Variants in PCDHGA2 observed in about 807,000 individuals in gnomAD.
The protein encoded by PCDHGA2 is protocadherin gamma-A2.
PCDHGA2 carries 40 observed loss-of-function variants against 59.2 expected under a neutral mutation model. That is an observed-to-expected ratio of 0.68 (90% CI 0.52 to 0.88). PCDHGA2 has a LOEUF of 0.88. Ranked by LOEUF, PCDHGA2 falls within the 40% of genes least tolerant of loss-of-function variation. The pLI is 0.00. For synonymous variants in PCDHGA2, 560 were observed against 526.0 expected, an observed-to-expected ratio of 1.06 and a Z score of -0.89; for missense variants, 1,226 against 1,204.0, an observed-to-expected ratio of 1.02 and a Z score of -0.27.
At chr5:141,478,452 C>T (rs763187393) in intron 1 of PCDHGA2, 1 of 1,613,598 alleles carries the variant, frequency 6.2e-7, no homozygotes, top group Admixed American at 1.7e-5. Context: ...CCTGGTGCAG[C>T]CAGTCCACTG....
intron 1 of PCDHGA2, among the ~76,000 whole-genome samples, chr5:141,461,983 C>T (rs1390320490): frequency 6.6e-6 from 1 of 152,192 alleles, no homozygotes. Flanking sequence ...GCCACCACGC[C>T]AGGCTAATTT....
chr5:141,417,902 C>G (rs2096184021), intron 1 of PCDHGA2: 1 of 1,588,280 alleles, frequency 6.3e-7, no homozygotes, highest in Non-Finnish European at 8.6e-7. Context: ...CGGCCCGCGG[C>G]AGGTACTATT....
Position 141,340,056 on chromosome 5 carries a change from C to T in PCDHGA2, c.1085C>T (p.Pro362Leu). ...ATSSVSEDSL[P>L]GTIIGLFNVH... ...AGCTCAGTTTCTGAAGACTCTCTTC[C>T]AGGAACCATAATTGGGCTTTTTAAT... The change falls in exon 1 of 4, where the codon CCA becomes CTA. Residue 362 changes from proline (P) to leucine (L), a missense_variant. By Grantham distance (98) the Pro-to-Leu change is moderately conservative. Coordinates refer to ENST00000394576, the MANE Select transcript of PCDHGA2 (RefSeq NM_018915.4). The T allele has an allele frequency of 1.2e-6, 2 of 1,614,154 alleles. No individual in the cohort carries two copies. The highest frequency in any genetic ancestry group is 1.1e-5 in the South Asian group (1 of 91,086).
intron 1 of PCDHGA2, among the ~76,000 whole-genome samples, chr5:141,450,008 T>A (rs78952430): frequency 4.8e-4 from 18 of 37,340 alleles, no homozygotes; most frequent in African/African-American, 6.8e-4. Context: ...CCATGTCTCT[T>A]TTTTTTTTTT....
Position 141,487,673 on chromosome 5 carries a change from C to T in PCDHGA2, c.2425-7134C>T. On this transcript the variant is annotated intron_variant, in intron 1 of 3. Transcript: ENST00000394576. The surrounding 1 kb of genome is among the most constrained non-coding windows in gnomAD (Gnocchi z 5.0). Reference sequence around the variant, plus strand: ...GGGTTATTCTGATCCAGGCATATGGCTAGGCCATGTCCTAGAGAGTACTGG... The same window carrying T: ...GGGTTATTCTGATCCAGGCATATGGTTAGGCCATGTCCTAGAGAGTACTGG... 6.2e-7 allele frequency: 1 copy of T among 1,611,456 alleles called. No homozygotes were observed. Among genetic ancestry groups the T allele is most frequent in the East Asian group, 2.2e-5 (1 of 44,852 alleles).
chr5:141,361,047 G>C, intron 1 of PCDHGA2: 1 of 1,613,616 alleles, frequency 6.2e-7, no homozygotes, highest in Non-Finnish European at 8.5e-7. Flanking sequence ...TCACGACAAA[G>C]GATGATTTGG....
chr5:141,460,128 T>C (rs10051366), intron 1 of PCDHGA2, among the ~76,000 whole-genome samples: 42,386 of 151,808 alleles, frequency 0.28, 6,635 homozygotes, highest in African/African-American at 0.43. Context: ...ATATGTAATA[T>C]ATATATTCTT....
chr5:141,461,732 A>G (rs945368729), intron 1 of PCDHGA2, among the ~76,000 whole-genome samples: 5 of 152,154 alleles, frequency 3.3e-5, no homozygotes, highest in Non-Finnish European at 5.9e-5. Context: ...GTGCAGTGGC[A>G]CAATCCCGGC....
At position 141,370,514 on chromosome 5, in the gene PCDHGA2, G is replaced by T. The variant is rs1295709231; in HGVS notation, c.2424+29119G>T. 3 of 1,613,776 alleles carry T rather than the reference G, an allele frequency of 1.9e-6. No individual in the cohort carries two copies. The African/African-American group carries it at 4.0e-5, about 22-fold the overall frequency. On this transcript the variant is annotated intron_variant, in intron 1 of 3. Coordinates refer to ENST00000394576, the MANE Select transcript of PCDHGA2 (RefSeq NM_018915.4). ...CGATCCGCTACGCTATTCCCGAGGAGCTGGACAGGGGCTCGCTGGTAGGGA... is the reference window on the plus strand; with the variant it reads ...CGATCCGCTACGCTATTCCCGAGGATCTGGACAGGGGCTCGCTGGTAGGGA...
intron 1 of PCDHGA2, chr5:141,388,789 T>G: frequency 1.9e-6 from 3 of 1,613,948 alleles, no homozygotes; most frequent in Non-Finnish European, 2.5e-6. Flanking sequence ...ATTACTGTTT[T>G]AAATACATTA....
intron 1 of PCDHGA2, among the ~76,000 whole-genome samples, chr5:141,467,475 T>C (rs2099144764): frequency 6.6e-6 from 1 of 152,248 alleles, no homozygotes; most frequent in Non-Finnish European, 1.5e-5. Flanking sequence ...GCATGGTTTT[T>C]GGTTTCCACA....
chr5:141,371,809 C>T lies in PCDHGA2; in HGVS notation c.2424+30414C>T, dbSNP rs1768063576. The T allele has an allele frequency of 2.5e-6, 4 of 1,613,910 alleles. No homozygotes were observed. In the East Asian group the frequency reaches 6.7e-5, roughly 27 times the overall value. ...AACAATCCGCCTGGAGCCTCCATTG[C>T]GCATGTCAGAGCCTCGGATCCCGAC... is the stretch of plus-strand genomic sequence containing the variant. On this transcript the variant is annotated intron_variant, in intron 1 of 3. Transcript: ENST00000394576.
intron 1 of PCDHGA2, chr5:141,342,436 A>G (rs1561485430): frequency 6.6e-6 from 1 of 152,186 alleles, no homozygotes; most frequent in Non-Finnish European, 1.5e-5. Context: ...TGTAACTGGC[A>G]TCATTTTTTA....
In PCDHGA2 at chr5:141,404,331, A is replaced by G. The variant is rs201757016; in HGVS notation, c.2424+62936A>G. On this transcript the variant is annotated intron_variant, in intron 1 of 3. Coordinates refer to ENST00000394576, the MANE Select transcript of PCDHGA2 (RefSeq NM_018915.4). ...TTCTCTCAAGCCTCCTACTCAGTCT[A>G]CCTCCCGGAAAACAACGCCAGAGGT... 101 of 1,613,692 alleles carry G rather than the reference A, an allele frequency of 6.3e-5. 1 individual carries two copies. The highest frequency in any genetic ancestry group is 6.0e-4 in the African/African-American group (45 of 74,944).
chr5:141,428,194 T>C (rs2097123409), intron 1 of PCDHGA2: 1 of 1,414,108 alleles, frequency 7.1e-7, no homozygotes, highest in Admixed American at 1.8e-5. Flanking sequence ...CGCCGCTCTC[T>C]GCGCCGCTAC....
chr5:141,354,820 AC>A (rs1759643114), intron 1 of PCDHGA2, among the ~76,000 whole-genome samples: 1 of 152,242 alleles, frequency 6.6e-6, no homozygotes, highest in Non-Finnish European at 1.5e-5. Context: ...AGTTTATTGT[AC>A]AGGAAGACTT....
chr5:141,406,481 T>C (rs2094814987), intron 1 of PCDHGA2, among the ~76,000 whole-genome samples: 2 of 152,242 alleles, frequency 1.3e-5, no homozygotes, highest in Admixed American at 6.5e-5. Flanking sequence ...GGTTATATTT[T>C]TCAGATCACA....
At position 141,485,299 on chromosome 5, in the gene PCDHGA2, G is replaced by A; in HGVS notation, c.2425-9508G>A. On this transcript the variant is annotated intron_variant, in intron 1 of 3. Coordinates refer to ENST00000394576, the MANE Select transcript of PCDHGA2 (RefSeq NM_018915.4). The surrounding 1 kb of genome is among the most constrained non-coding windows in gnomAD (Gnocchi z 5.7). ...CGGTCCCAGAGGAGTCACAGGAAGG[G>A]ACTTTTGTAGGGAATGTCGCTCAAG... 1 of 1,614,180 alleles carries A rather than the reference G, an allele frequency of 6.2e-7. No individual in the cohort carries two copies. Among genetic ancestry groups the A allele is most frequent in the Non-Finnish European group, 8.5e-7 (1 of 1,180,012 alleles).
chr5:141,423,572 G>T (rs1239529114), intron 1 of PCDHGA2: 2 of 1,613,510 alleles, frequency 1.2e-6, no homozygotes, highest in African/African-American at 1.3e-5. Context: ...ACGCTCATCA[G>T]CCAGGAGAGC....
Sources: allele counts gnomAD v4.1 joint callset (sites outside exome capture counted in the v4.1 genomes callset), GRCh38; gene constraint gnomAD v4.1.1; non-coding constraint Gnocchi (gnomAD v3.1); transcripts MANE v1.5; gene names NCBI Gene and HGNC (gene_info 2026-07-23, HGNC 2026-07-21).